The following SCEL variants were observed in gnomAD, a reference collection of about 807,000 sequenced individuals.
The protein encoded by SCEL is sciellin.
A neutral mutation model predicts 117.6 loss-of-function variants in SCEL; 113 were observed. That is an observed-to-expected ratio of 0.96 (90% CI 0.83 to 1.12). SCEL has a LOEUF of 1.12. SCEL is among the 50% of genes most tolerant of loss of function. The probability of loss-of-function intolerance (pLI) is 0.00; values close to 1 mark genes in which losing one functional copy is unlikely to be tolerated. For synonymous variants in SCEL, 270 were observed against 256.2 expected, an observed-to-expected ratio of 1.05 and a Z score of -0.51; for missense variants, 785 against 810.8, an observed-to-expected ratio of 0.97 and a Z score of 0.39.
At chr13:77,572,640 A>G (rs1055525301) in intron 9 of SCEL, among the ~76,000 whole-genome samples, 5 of 152,252 alleles carry the variant, frequency 3.3e-5, no homozygotes, top group Middle Eastern at 3.4e-3. Flanking sequence ...CCCAGTTGGT[A>G]CAAGCATTGA....
At chr13:77,582,138 G>A (rs2086295885) in intron 9 of SCEL, among the ~76,000 whole-genome samples, 1 of 152,122 alleles carries the variant, frequency 6.6e-6, no homozygotes, top group South Asian at 2.1e-4. Context: ...TGTGCAGAAT[G>A]TCATATAATG....
chr13:77,583,766 C>T (rs2154399177), intron 9 of SCEL, among the ~76,000 whole-genome samples: 1 of 152,224 alleles, frequency 6.6e-6, no homozygotes, highest in South Asian at 2.1e-4. Context: ...TGTGTTCAAC[C>T]TAGATTTGTG....
intron 3 of SCEL, among the ~76,000 whole-genome samples, chr13:77,558,685 G>T (rs1235456451): frequency 6.6e-6 from 1 of 151,656 alleles, no homozygotes. Flanking sequence ...GCGTGTTGGC[G>T]GGCACCTATA....
chr13:77,536,895 A>C (rs907758801), intron 1 of SCEL, among the ~76,000 whole-genome samples: 8 of 152,222 alleles, frequency 5.3e-5, no homozygotes, highest in Admixed American at 3.3e-4. Flanking sequence ...GAAGAATTTT[A>C]CAACTTGGCT....
chr13:77,559,271 A>C (rs2084838791), intron 3 of SCEL, among the ~76,000 whole-genome samples: 1 of 152,210 alleles, frequency 6.6e-6, no homozygotes, highest in South Asian at 2.1e-4. Context: ...CTGTATTCTC[A>C]TGGTTCAAAA....
intron 9 of SCEL, among the ~76,000 whole-genome samples, chr13:77,575,144 T>A (rs761006780): frequency 6.6e-6 from 1 of 152,200 alleles, no homozygotes; most frequent in Non-Finnish European, 1.5e-5. Context: ...CCTTTCTTAA[T>A]TTATACACTA....
intron 14 of SCEL, 36 bp downstream of exon 14, chr13:77,599,424 T>G: frequency 1.3e-6 from 2 of 1,542,762 alleles, no homozygotes; most frequent in Non-Finnish European, 1.8e-6. Flanking sequence ...AAATCTTACC[T>G]TGCAGATTGC....
chr13:77,573,767 C>T lies in SCEL; in HGVS notation c.545+1578C>T, dbSNP rs566012910. 3.9e-4 allele frequency among the ~76,000 whole-genome samples: 60 copies of T among 152,240 alleles called. No individual in the cohort carries two copies. The South Asian group carries it at 0.012, about 31-fold the overall frequency. On this transcript the variant is annotated intron_variant, in intron 9 of 32. Coordinates refer to ENST00000349847, the MANE Select transcript of SCEL (RefSeq NM_144777.3). Reference sequence around the variant, plus strand: ...AATTACTGAACATGTTGAGCAGTCACAACTTGGAATCACATTTACCTACTG... The same window carrying T: ...AATTACTGAACATGTTGAGCAGTCATAACTTGGAATCACATTTACCTACTG...
chr13:77,586,415 C>CA (rs1034480800), intron 9 of SCEL, among the ~76,000 whole-genome samples: 1 of 152,144 alleles, frequency 6.6e-6, no homozygotes, highest in Admixed American at 6.6e-5. Context: ...TCCTCAGCCC[C>CA]ATCACAATCA....
At chr13:77,627,253 A>T (rs1245718391) in intron 27 of SCEL, among the ~76,000 whole-genome samples, 1 of 152,138 alleles carries the variant, frequency 6.6e-6, no homozygotes. Context: ...GCCTTGGAAA[A>T]TTTACTTTGC....
chr13:77,549,623 A>G (rs1272605333), intron 1 of SCEL, among the ~76,000 whole-genome samples: 2 of 152,228 alleles, frequency 1.3e-5, no homozygotes, highest in Non-Finnish European at 2.9e-5. Flanking sequence ...AGAAAGTTTT[A>G]AACTAGGATG....
At chr13:77,560,053 C>T (rs1490849469) in intron 4 of SCEL, among the ~76,000 whole-genome samples, 190 bp downstream of exon 4, 1 of 152,132 alleles carries the variant, frequency 6.6e-6, no homozygotes, top group Non-Finnish European at 1.5e-5. Flanking sequence ...AGAACCATGA[C>T]TTGGAGGCAG....
intron 18 of SCEL, among the ~76,000 whole-genome samples, chr13:77,603,581 A>G (rs937202272): frequency 1.1e-4 from 16 of 152,144 alleles, no homozygotes; most frequent in African/African-American, 3.9e-4. Flanking sequence ...ACCTCCCACC[A>G]CTTTTTCTCC....
intron 1 of SCEL, among the ~76,000 whole-genome samples, chr13:77,552,281 C>T (rs1473434465): frequency 6.7e-6 from 1 of 149,574 alleles, no homozygotes; most frequent in Non-Finnish European, 1.5e-5. Flanking sequence ...CTGACTTCCA[C>T]AATGGTTGAA....
At chr13:77,633,364 A>G (rs1352135709) in intron 28 of SCEL, among the ~76,000 whole-genome samples, 2 of 144,176 alleles carry the variant, frequency 1.4e-5, no homozygotes, top group Non-Finnish European at 3.0e-5. Flanking sequence ...TGAACCCGGG[A>G]AGCGGAGCTT....
chr13:77,558,819 CAAA>C (rs58052726), intron 3 of SCEL, among the ~76,000 whole-genome samples: 2,594 of 89,710 alleles, frequency 0.029, 55 homozygotes, highest in East Asian at 0.15. Context: ...CTCTGTCTTA[CAAA>C]AAAAAAAAAA....
In SCEL at chr13:77,569,440, AAAG is replaced by A. The variant is rs751644859; in HGVS notation, c.476_478del (p.Lys159del). On this transcript the variant is annotated inframe_deletion, in exon 8 of 33. Coordinates refer to ENST00000349847, the MANE Select transcript of SCEL (RefSeq NM_144777.3). Reference sequence around the variant, plus strand: ...CATCCACTTCTGCTACTACTCCTGTAAAGAAGAAGAGGTAGGATGAACTCACTG... The same window carrying A: ...CATCCACTTCTGCTACTACTCCTGTAAAGAAGAGGTAGGATGAACTCACTG... The A allele has an allele frequency of 9.5e-5, 154 of 1,612,802 alleles. No homozygotes were observed. Among genetic ancestry groups the A allele is most frequent in the Non-Finnish European group, 1.3e-4 (153 of 1,178,958 alleles).
At chr13:77,589,007 C>A (rs578058041) in intron 9 of SCEL, 137 bp from the exon 10 acceptor site, 3 of 636,978 alleles carry the variant, frequency 4.7e-6, no homozygotes, top group South Asian at 4.1e-5. Context: ...TGGATTCTGA[C>A]CTTTCAGGTA....
At chr13:77,557,374 C>T (rs190819501) in intron 3 of SCEL, among the ~76,000 whole-genome samples, 22 of 152,008 alleles carry the variant, frequency 1.4e-4, no homozygotes, top group East Asian at 1.4e-3. Flanking sequence ...GGTATTTGTC[C>T]GATTATATAT....
Sources: allele counts gnomAD v4.1 joint callset (sites outside exome capture counted in the v4.1 genomes callset), GRCh38; gene constraint gnomAD v4.1.1; transcripts MANE v1.5; gene names NCBI Gene and HGNC (gene_info 2026-07-23, HGNC 2026-07-21).